GGNBP2: variants seen among roughly 807,000 people sequenced by gnomAD.
GGNBP2 encodes gametogenetin binding protein 2, also known as gametogenetin-binding protein 2.
A neutral mutation model predicts 85.9 loss-of-function variants in GGNBP2; 10 were observed. The observed-to-expected ratio is 0.12, with a 90% CI of 0.07 to 0.20. The LOEUF is 0.20. GGNBP2 is among the 10% of genes least tolerant of loss of function. The pLI is 1.00. For missense variants in GGNBP2, 595 were observed against 857.8 expected (o/e 0.69, Z 3.83); for synonymous variants, 287 against 285.7 (o/e 1.00, Z -0.05).
At chr17:36,585,182 C>T in intron 9 of GGNBP2, 118 bp from the exon 10 acceptor site, 1 of 811,784 alleles carries the variant, frequency 1.2e-6, no homozygotes, top group African/African-American at 1.8e-5. Flanking sequence ...GTGTAAATGT[C>T]AGTACAGTGA....
At chr17:36,555,294 T>G in intron 3 of GGNBP2, among the ~76,000 whole-genome samples, 1 of 152,230 alleles carries the variant, frequency 6.6e-6, no homozygotes, top group East Asian at 1.9e-4. Flanking sequence ...AGAAATATAG[T>G]GCTTTATAAA....
At position 36,586,135 on chromosome 17, in the gene GGNBP2, C is replaced by T. The variant is rs780418635; in HGVS notation, c.1578C>T (p.Asn526=). The T allele has an allele frequency of 9.9e-6, 16 of 1,613,408 alleles. No individual in the cohort carries two copies. In the Middle Eastern group the frequency reaches 4.9e-4, roughly 50 times the overall value. Residue 526 remains asparagine, a synonymous_variant, in exon 12 of 14, where the codon AAC becomes AAT. Coordinates refer to ENST00000613102, the MANE Select transcript of GGNBP2 (RefSeq NM_024835.5). ...AATGTTGGGCAAATTCTGAAGAGAA[C>T]GACACAAAAGGAAAAAATAAAAAGA... ...CVECWANSEE[N]DTKGKNKKKK...
chr17:36,555,759 A>G (rs944899126), intron 3 of GGNBP2, among the ~76,000 whole-genome samples: 12 of 152,342 alleles, frequency 7.9e-5, no homozygotes, highest in African/African-American at 2.9e-4. Flanking sequence ...TTTAAAGCAT[A>G]TTTAGATTAC....
intron 3 of GGNBP2, 88 bp from the exon 4 acceptor site, chr17:36,556,995 A>G (rs1019074688): frequency 1.5e-5 from 23 of 1,501,506 alleles, no homozygotes; most frequent in Non-Finnish European, 2.0e-5. Context: ...GTTGTACTTT[A>G]CTGCACAAGG....
At chr17:36,580,717 C>T (rs1392722596) in intron 8 of GGNBP2, among the ~76,000 whole-genome samples, 2 of 150,560 alleles carry the variant, frequency 1.3e-5, no homozygotes, top group Non-Finnish European at 3.0e-5. Context: ...GCCAGGAGTT[C>T]GAGACCAACC....
intron 6 of GGNBP2, among the ~76,000 whole-genome samples, chr17:36,574,107 T>G (rs1468717193): frequency 6.6e-6 from 1 of 152,200 alleles, no homozygotes; most frequent in Non-Finnish European, 1.5e-5. Flanking sequence ...GCCAACGTTT[T>G]TAAGTTTAAT....
rs1388650917 is a variant in GGNBP2 at position 36,585,310 on chromosome 17, T to A, written c.1226T>A (p.Phe409Tyr). The change falls in exon 10 of 14, where the codon TTC becomes TAC. Residue 409 changes from phenylalanine to tyrosine, a missense_variant. By Grantham distance (22) the Phe-to-Tyr change is conservative (BLOSUM62 3). Around this residue, in one of 9 missense-constraint regions of GGNBP2, gnomAD observed 85 missense variants for 92.6 expected, o/e 0.92. Coordinates refer to ENST00000613102, the MANE Select transcript of GGNBP2 (RefSeq NM_024835.5). ...TGTTGATCCTTAAAGGAAACAGACT[T>A]CATAGAAAATAGCAGCTGCAAAGCC... ...KEVSQEKETD[F>Y]IENSSCKACG... 6.2e-7 allele frequency: 1 copy of A among 1,611,916 alleles called. No individual in the cohort carries two copies. Among genetic ancestry groups the A allele is most frequent in the African/African-American group, 1.3e-5 (1 of 74,794 alleles).
intron 1 of GGNBP2, 25 bp downstream of exon 1, chr17:36,545,122 C>T (rs1015786547): frequency 4.6e-5 from 7 of 153,022 alleles, no homozygotes; most frequent in African/African-American, 1.7e-4. Flanking sequence ...TGAGCCTCCC[C>T]GTTCCCTGGA....
At chr17:36,546,770 C>T (rs925687675) in intron 2 of GGNBP2, 1 of 152,192 alleles carries the variant, frequency 6.6e-6, no homozygotes, top group Non-Finnish European at 1.5e-5. Flanking sequence ...TAAGGTGCAC[C>T]TAAGTCTCTT....
At chr17:36,589,064 A>G (rs761503791) in intron 13 of GGNBP2, 144 bp from the exon 14 acceptor site, 5 of 639,082 alleles carry the variant, frequency 7.8e-6, no homozygotes, top group Non-Finnish European at 1.4e-5. Flanking sequence ...CATGATGCTT[A>G]TTCTGCAAAC....
intron 8 of GGNBP2, among the ~76,000 whole-genome samples, chr17:36,580,635 T>A (rs1163201092): frequency 6.6e-6 from 1 of 152,080 alleles, no homozygotes; most frequent in Non-Finnish European, 1.5e-5. Context: ...ATTCTGAAAT[T>A]TAGGCCAGAT....
intron 5 of GGNBP2, among the ~76,000 whole-genome samples, chr17:36,567,036 T>C (rs1044499397): frequency 6.6e-6 from 1 of 152,126 alleles, no homozygotes; most frequent in African/African-American, 2.4e-5. Context: ...TACTTGATGA[T>C]GATCTCATTA....
chr17:36,581,396 A>G lies in GGNBP2; in HGVS notation c.1073A>G (p.Glu358Gly). 3 of 1,613,782 alleles carry G rather than the reference A, an allele frequency of 1.9e-6. No individual in the cohort carries two copies. Among genetic ancestry groups the G allele is most frequent in the Non-Finnish European group, 2.5e-6 (3 of 1,179,818 alleles). ...AGCAGATTGGAACAACTTTGTGAGGAATTTTCAGAAGAGGAACGAGTAAGA... is the reference window on the plus strand; with the variant it reads ...AGCAGATTGGAACAACTTTGTGAGGGATTTTCAGAAGAGGAACGAGTAAGA... ...GISRLEQLCE[E>G]FSEEERVREL... is the part of the protein sequence containing the mutation. Residue 358 changes from glutamate (E) to glycine (G), a missense_variant, in exon 9 of 14, where the codon GAA becomes GGA. Physicochemically the swap from Glu to Gly is moderately conservative, Grantham distance 98 (BLOSUM62 -2). Transcript: ENST00000613102.
At chr17:36,579,554 A>G in intron 8 of GGNBP2, 135 bp downstream of exon 8, 1 of 735,264 alleles carries the variant, frequency 1.4e-6, no homozygotes, top group African/African-American at 1.8e-5. Flanking sequence ...GGATATTGTT[A>G]CATGGCTTTG....
At chr17:36,572,828 C>G (rs1362834859) in intron 6 of GGNBP2, among the ~76,000 whole-genome samples, 1 of 152,114 alleles carries the variant, frequency 6.6e-6, no homozygotes. Flanking sequence ...ACGCATTGAA[C>G]AACACCTTTT....
chr17:36,560,934 A>G, intron 5 of GGNBP2, 63 bp downstream of exon 5: 1 of 889,786 alleles, frequency 1.1e-6, no homozygotes, highest in South Asian at 1.6e-5. Context: ...GATCATATTT[A>G]GTAAAAGAAA....
chr17:36,554,711 A>T, intron 2 of GGNBP2, 109 bp from the exon 3 acceptor site: 1 of 765,856 alleles, frequency 1.3e-6, no homozygotes, highest in Non-Finnish European at 2.3e-6. Context: ...TTGAGGGGCT[A>T]GGGATGGGTG....
chr17:36,554,009 G>A (rs2074336062), intron 2 of GGNBP2, among the ~76,000 whole-genome samples: 1 of 152,000 alleles, frequency 6.6e-6, no homozygotes, highest in Non-Finnish European at 1.5e-5. Flanking sequence ...CATAATTAGA[G>A]CAAACATTTA....
At chr17:36,584,675 G>T (rs1285997939) in intron 9 of GGNBP2, among the ~76,000 whole-genome samples, 1 of 152,216 alleles carries the variant, frequency 6.6e-6, no homozygotes, top group Admixed American at 6.5e-5. Context: ...TTGACAGGGC[G>T]TGGAGGCTCA....
Sources: gnomAD v4.1 joint callset for allele counts (sites outside exome capture counted in the v4.1 genomes callset) on GRCh38, gnomAD v4.1.1 for gene constraint, gnomAD v4.1.1 regional missense constraint, MANE v1.5 for transcripts, NCBI Gene and HGNC (gene_info 2026-07-23, HGNC 2026-07-21) for gene names.